VKORC1L1: variants seen among roughly 807,000 people sequenced by gnomAD.
VKORC1L1 encodes the protein vitamin K epoxide reductase complex subunit 1-like protein 1.
In VKORC1L1, 2 loss-of-function variants were observed where a neutral mutation model predicts 18.9. The ratio of observed to expected loss-of-function variants is 0.11; its 90% CI spans 0.04 to 0.33. The LOEUF is 0.33. Among genes scored for constraint, VKORC1L1 ranks in the 10% least tolerant of loss-of-function variants. VKORC1L1 has a pLI of 1.00. For synonymous variants in VKORC1L1, 96 were observed against 100.0 expected (o/e 0.96, Z 0.24); for missense variants, 123 against 224.1 (o/e 0.55, Z 2.88).
intron 1 of VKORC1L1, among the ~76,000 whole-genome samples, chr7:65,901,442 G>T (rs1159258606): frequency 6.6e-6 from 1 of 152,216 alleles, no homozygotes; most frequent in East Asian, 1.9e-4. Flanking sequence ...AGAATAACAA[G>T]GACTGGGTTT....
chr7:65,882,094 A>G (rs916537602), intron 1 of VKORC1L1, among the ~76,000 whole-genome samples: 1 of 150,140 alleles, frequency 6.7e-6, no homozygotes, highest in Admixed American at 6.7e-5. Context: ...AATAAAATAA[A>G]ATAGACTGGG....
At chr7:65,936,114 A>T (rs891141002) in intron 1 of VKORC1L1, among the ~76,000 whole-genome samples, 36 of 147,972 alleles carry the variant, frequency 2.4e-4, no homozygotes, top group African/African-American at 7.7e-4. Context: ...CAGATCTTAT[A>T]TTTTTTAGTT....
intron 2 of VKORC1L1, among the ~76,000 whole-genome samples, chr7:65,953,194 G>T (rs1562659441): frequency 6.6e-6 from 1 of 152,162 alleles, no homozygotes; most frequent in Non-Finnish European, 1.5e-5. Context: ...GGCAAAATGT[G>T]GTTTCCCTTA....
intron 1 of VKORC1L1, among the ~76,000 whole-genome samples, chr7:65,893,840 G>A (rs924818888): frequency 6.6e-6 from 1 of 152,210 alleles, no homozygotes; most frequent in African/African-American, 2.4e-5. Context: ...TCTTGGTTAT[G>A]TGTGGCCCTG....
chr7:65,867,958 T>G, the VKORC1L1 span, among the ~76,000 whole-genome samples: 3 of 152,228 alleles, frequency 2.0e-5, no homozygotes, highest in Non-Finnish European at 4.4e-5. Context: ...GTGATTCTCC[T>G]GCCTCAGCCT....
intron 1 of VKORC1L1, among the ~76,000 whole-genome samples, chr7:65,915,196 A>G (rs1189859624): frequency 6.9e-6 from 1 of 144,834 alleles, no homozygotes; most frequent in African/African-American, 2.6e-5. Context: ...GGTTCACATC[A>G]TTCTCCTGCC....
chr7:65,874,236 C>T (rs1449533703), intron 1 of VKORC1L1, among the ~76,000 whole-genome samples: 2 of 152,046 alleles, frequency 1.3e-5, no homozygotes, highest in African/African-American at 2.4e-5. Context: ...TCTTGGATTC[C>T]CTCTCGTATG....
chr7:65,890,591 T>C (rs1789095900), intron 1 of VKORC1L1, among the ~76,000 whole-genome samples: 1 of 152,190 alleles, frequency 6.6e-6, no homozygotes, highest in Non-Finnish European at 1.5e-5. Context: ...TTGATTGATA[T>C]TTGTCTCCAG....
At chr7:65,879,273 C>A (rs1435652522) in intron 1 of VKORC1L1, among the ~76,000 whole-genome samples, 1 of 151,900 alleles carries the variant, frequency 6.6e-6, no homozygotes, top group Non-Finnish European at 1.5e-5. Flanking sequence ...TTTGACTAAC[C>A]AAGATAAATT....
intron 1 of VKORC1L1, among the ~76,000 whole-genome samples, chr7:65,939,800 A>G (rs556334010): frequency 4.8e-4 from 73 of 152,324 alleles, no homozygotes; most frequent in African/African-American, 1.6e-3. Context: ...CTTCAGGGAT[A>G]TGCTTCAGAC....
At chr7:65,895,498 T>C (rs1185867918) in intron 1 of VKORC1L1, among the ~76,000 whole-genome samples, 1 of 97,268 alleles carries the variant, frequency 1.0e-5, no homozygotes, top group African/African-American at 3.6e-5. Flanking sequence ...TATATATATA[T>C]ATATATATAT....
At chr7:65,890,606 C>A (rs373038403) in intron 1 of VKORC1L1, among the ~76,000 whole-genome samples, 9 of 152,182 alleles carry the variant, frequency 5.9e-5, no homozygotes, top group African/African-American at 2.2e-4. Context: ...CTCCAGTTTG[C>A]AGCAATTATG....
intron 1 of VKORC1L1, among the ~76,000 whole-genome samples, chr7:65,921,492 C>G (rs1311544529): frequency 6.6e-6 from 1 of 152,120 alleles, no homozygotes; most frequent in Non-Finnish European, 1.5e-5. Context: ...CTCAAGCAAT[C>G]TTCCCACTTC....
chr7:65,866,857 G>A, the VKORC1L1 span, among the ~76,000 whole-genome samples: 4 of 152,046 alleles, frequency 2.6e-5, no homozygotes, highest in Admixed American at 6.6e-5. Context: ...AGACCCTGTC[G>A]AGGAGGAAGA....
At chr7:65,891,070 G>A (rs1348404849) in intron 1 of VKORC1L1, among the ~76,000 whole-genome samples, 4 of 149,886 alleles carry the variant, frequency 2.7e-5, no homozygotes, top group African/African-American at 9.8e-5. Context: ...TAAGGACTCT[G>A]CTGTGTCTGG....
At chr7:65,928,665 C>T (rs1159154423) in intron 1 of VKORC1L1, among the ~76,000 whole-genome samples, 4 of 152,180 alleles carry the variant, frequency 2.6e-5, no homozygotes, top group Admixed American at 6.5e-5. Context: ...GTGTTGCTTA[C>T]GTGTGGGACA....
chr7:65,952,941 A>G (rs950981057), intron 2 of VKORC1L1, among the ~76,000 whole-genome samples: 1 of 151,866 alleles, frequency 6.6e-6, no homozygotes, highest in Non-Finnish European at 1.5e-5. Flanking sequence ...GTGCAATACC[A>G]TGCCCAGCTA....
chr7:65,945,597 AAT>A (rs1790107770), intron 1 of VKORC1L1, among the ~76,000 whole-genome samples: 1 of 151,678 alleles, frequency 6.6e-6, no homozygotes, highest in Non-Finnish European at 1.5e-5. Flanking sequence ...GGGCGACACG[AAT>A]GAGACTCCGT....
intron 1 of VKORC1L1, among the ~76,000 whole-genome samples, chr7:65,920,608 A>G (rs1789659851): frequency 6.6e-6 from 1 of 152,202 alleles, no homozygotes; most frequent in Admixed American, 6.5e-5. Context: ...CTTCTTGGCC[A>G]GGTGTCAAAA....
Sources: gnomAD v4.1 joint callset for allele counts (sites outside exome capture counted in the v4.1 genomes callset) on GRCh38, gnomAD v4.1.1 for gene constraint, MANE v1.5 for transcripts, NCBI Gene and HGNC (gene_info 2026-07-23, HGNC 2026-07-21) for gene names.